Variants in EEIG2 observed in about 807,000 individuals in gnomAD.
EEIG2 encodes the protein family with sequence similarity 102 member B.
chr1:108,574,846 C>G, the EEIG2 span, among the ~76,000 whole-genome samples: 1 of 152,034 alleles, frequency 6.6e-6, no homozygotes, highest in African/African-American at 2.4e-5. Context: ...GTTTATTAGG[C>G]CAAACCAATT....
the EEIG2 span, chr1:108,628,865 CAG>C: frequency 6.6e-7 from 1 of 1,515,156 alleles, no homozygotes; most frequent in Non-Finnish European, 9.0e-7. Context: ...TCTGTGTAGT[CAG>C]CAGTAAAGAG....
At chr1:108,588,850 G>A in the EEIG2 span, among the ~76,000 whole-genome samples, 17 of 149,536 alleles carry the variant, frequency 1.1e-4, no homozygotes, top group Admixed American at 1.3e-4. Flanking sequence ...GGGGACATAC[G>A]TTTTTTTAAT....
the EEIG2 span, among the ~76,000 whole-genome samples, chr1:108,621,883 G>T: frequency 1.3e-5 from 2 of 151,904 alleles, no homozygotes; most frequent in Non-Finnish European, 2.9e-5. Context: ...CAGCCCGAGC[G>T]TGGTGGCTCA....
chr1:108,569,630 A>T, the EEIG2 span, among the ~76,000 whole-genome samples: 1 of 152,110 alleles, frequency 6.6e-6, no homozygotes, highest in Non-Finnish European at 1.5e-5. Flanking sequence ...GCCTCACCTA[A>T]ATGATTCTTA....
the EEIG2 span, chr1:108,637,495 C>T: frequency 6.6e-6 from 1 of 152,050 alleles, no homozygotes; most frequent in East Asian, 1.9e-4. Context: ...TTGAAAAAAT[C>T]TGTTTATTAA....
the EEIG2 span, chr1:108,628,158 A>T: frequency 6.2e-7 from 1 of 1,613,134 alleles, no homozygotes; most frequent in Non-Finnish European, 8.5e-7. Context: ...ATGTTATGAC[A>T]TATTACAGAT....
the EEIG2 span, among the ~76,000 whole-genome samples, chr1:108,568,567 A>G: frequency 2.6e-5 from 4 of 152,210 alleles, no homozygotes; most frequent in African/African-American, 7.2e-5. Context: ...GTAGGAAACC[A>G]TTGTCACCTG....
chr1:108,591,366 CA>C, the EEIG2 span, among the ~76,000 whole-genome samples: 5 of 152,238 alleles, frequency 3.3e-5, no homozygotes, highest in African/African-American at 7.2e-5. Context: ...GTTGCACAAA[CA>C]AAACCTTTTT....
the EEIG2 span, among the ~76,000 whole-genome samples, chr1:108,582,861 G>T: frequency 6.6e-6 from 1 of 152,216 alleles, no homozygotes; most frequent in African/African-American, 2.4e-5. Context: ...GAGCATATTT[G>T]GGGGATGCAG....
the EEIG2 span, among the ~76,000 whole-genome samples, chr1:108,575,583 G>A: frequency 6.6e-6 from 1 of 152,164 alleles, no homozygotes; most frequent in African/African-American, 2.4e-5. Context: ...GTTGATGAAA[G>A]GATAAATGAA....
At chr1:108,616,245 T>G in the EEIG2 span, 1 of 659,792 alleles carries the variant, frequency 1.5e-6, no homozygotes. Context: ...TCCTCCTGCC[T>G]TAGCCTCCCG....
the EEIG2 span, chr1:108,627,947 T>C: frequency 1.9e-6 from 1 of 519,734 alleles, no homozygotes; most frequent in African/African-American, 1.9e-5. Flanking sequence ...TTTAATGTTA[T>C]GAAAAATATA....
At chr1:108,627,911 GAACT>G in the EEIG2 span, 1 of 458,192 alleles carries the variant, frequency 2.2e-6, no homozygotes, top group Admixed American at 3.5e-5. Context: ...TGCATAGACT[GAACT>G]AATAAAGGAC....
At chr1:108,575,684 A>G in the EEIG2 span, among the ~76,000 whole-genome samples, 1 of 152,264 alleles carries the variant, frequency 6.6e-6, no homozygotes, top group South Asian at 2.1e-4. Context: ...GCTTGAAAAC[A>G]TCATGCTCAG....
chr1:108,635,149 A>G, the EEIG2 span: 1 of 1,614,208 alleles, frequency 6.2e-7, no homozygotes, highest in Admixed American at 1.7e-5. Flanking sequence ...ATCAAACGCT[A>G]GAAGTCAAGT....
chr1:108,569,892 C>T, the EEIG2 span, among the ~76,000 whole-genome samples: 4 of 152,286 alleles, frequency 2.6e-5, no homozygotes, highest in Non-Finnish European at 5.9e-5. Context: ...AGTCCACCCA[C>T]GGCTCCTAAC....
the EEIG2 span, among the ~76,000 whole-genome samples, chr1:108,608,195 G>A: frequency 2.0e-5 from 3 of 151,996 alleles, no homozygotes. Flanking sequence ...TGTTTTTCCT[G>A]CCATGCTTAT....
chr1:108,618,230 G>C, the EEIG2 span, among the ~76,000 whole-genome samples: 18 of 152,176 alleles, frequency 1.2e-4, no homozygotes, highest in Non-Finnish European at 2.5e-4. Flanking sequence ...ATTGTTGGAG[G>C]GAGGAAGGCA....
the EEIG2 span, among the ~76,000 whole-genome samples, chr1:108,618,176 C>T: frequency 2.0e-5 from 3 of 152,130 alleles, no homozygotes; most frequent in Non-Finnish European, 2.9e-5. Context: ...GAGGGAAAAA[C>T]TGATGATCCA....
Sources: allele counts gnomAD v4.1 joint callset (sites outside exome capture counted in the v4.1 genomes callset), GRCh38; gene constraint gnomAD v4.1.1; transcripts MANE v1.5; gene names NCBI Gene and HGNC (gene_info 2026-07-23, HGNC 2026-07-21).